DNMT1: variants seen among roughly 807,000 people sequenced by gnomAD.
DNMT1 encodes the protein DNA methyltransferase 1, also known as DNA (cytosine-5)-methyltransferase 1.
DNMT1 carries 24 observed loss-of-function variants against 205.3 expected under a neutral mutation model. That is an observed-to-expected ratio of 0.12 (90% CI 0.08 to 0.16). The LOEUF is 0.16. DNMT1 is among the 10% of genes least tolerant of loss of function. The pLI, the probability that DNMT1 is intolerant of heterozygous loss-of-function variation, is 1.00. For missense variants in DNMT1, 1,293 were observed against 2,177.7 expected (o/e 0.59, Z 8.09); for synonymous variants, 817 against 839.8 (o/e 0.97, Z 0.47).
intron 2 of DNMT1, among the ~76,000 whole-genome samples, 175 bp downstream of exon 2, chr19:10,181,866 C>T (rs1310627412): frequency 1.3e-5 from 2 of 151,940 alleles, no homozygotes; most frequent in African/African-American, 4.8e-5. Flanking sequence ...ACACCACCAC[C>T]ACCCAACTAT....
intron 5 of DNMT1, among the ~76,000 whole-genome samples, chr19:10,179,077 C>T (rs148915504): frequency 3.9e-4 from 56 of 143,998 alleles, no homozygotes; most frequent in African/African-American, 1.4e-3. Context: ...TGCAGTGAGC[C>T]GAGATTGCGC....
Position 10,194,912 on chromosome 19 carries a change from A to C in DNMT1, c.-13T>G. The C allele has an allele frequency of 6.2e-7, 1 of 1,602,112 alleles. No homozygotes were observed. ...TACGCGCCGGCATCTCGGAGGCTTC[A>C]GCAGACGCGGCGGCGGCAGCGCAGG... On this transcript the variant is annotated 5_prime_UTR_variant, in exon 1 of 41. Coordinates refer to ENST00000359526, the MANE Select transcript of DNMT1 (RefSeq NM_001130823.3).
intron 31 of DNMT1, 57 bp downstream of exon 31, chr19:10,141,048 A>G: frequency 6.2e-7 from 1 of 1,613,120 alleles, no homozygotes; most frequent in Non-Finnish European, 8.5e-7. Flanking sequence ...AGGGATTCAC[A>G]GGCAGCCTCC....
Position 10,139,663 on chromosome 19 carries a change from C to A in DNMT1, c.3948+13G>T, listed in dbSNP as rs770723832. On this transcript the variant is annotated intron_variant, in intron 34 of 40. Transcript: ENST00000359526. ...GGCCACATCTGTCTGCCCGCCCCAG[C>A]CCCAGGGCCCACCTGCAGCACGCCG... 6 of 1,610,712 alleles carry A rather than the reference C, an allele frequency of 3.7e-6. No homozygotes were observed. The South Asian group carries it at 4.4e-5, about 12-fold the overall frequency.
At chr19:10,163,423 G>A (rs1032332041) in intron 11 of DNMT1, 63 bp from the exon 12 acceptor site, 2 of 1,552,926 alleles carry the variant, frequency 1.3e-6, no homozygotes, top group African/African-American at 2.7e-5. Flanking sequence ...TTCTGAGCCA[G>A]AGTGAGATAA....
chr19:10,160,263 A>G lies in DNMT1; in HGVS notation c.1043+121T>C, dbSNP rs1012404109. 1.6e-5 allele frequency: 24 copies of G among 1,546,696 alleles called. 1 individual carries two copies. Among genetic ancestry groups the G allele is most frequent in the Non-Finnish European group, 2.0e-5 (23 of 1,133,622 alleles). On this transcript the variant is annotated intron_variant, in intron 14 of 40. Coordinates refer to ENST00000359526, the MANE Select transcript of DNMT1 (RefSeq NM_001130823.3). ...ACGCACCTTGGTCCTATGTTCACCA[A>G]CCCGATCCAAAATGAGCCTAAGGTT...
chr19:10,140,237 C>T lies in DNMT1; in HGVS notation c.3615G>A (p.Glu1205=). 1 of 1,614,074 alleles carries T rather than the reference C, an allele frequency of 6.2e-7. No individual in the cohort carries two copies. The highest frequency in any genetic ancestry group is 8.5e-7 in the Non-Finnish European group (1 of 1,180,040). The change falls in exon 33 of 41, where the codon GAG becomes GAA. Residue 1205 remains glutamate, a synonymous_variant. Coordinates refer to ENST00000359526, the MANE Select transcript of DNMT1 (RefSeq NM_001130823.3). This position sits in a 1 kb window ranked among gnomAD's most constrained non-coding sequence, Gnocchi z 8.4. ...LNNPGSTVFT[E]DCNILLKLVM... is the part of the protein sequence containing the mutation. Reference sequence around the variant, plus strand: ...CCAGCTTCAGCAGGATGTTGCAGTCCTCTGTGAACACTGTGGAGCCGGGGT... The same window carrying T: ...CCAGCTTCAGCAGGATGTTGCAGTCTTCTGTGAACACTGTGGAGCCGGGGT...
chr19:10,188,786 A>G (rs1180914630), intron 1 of DNMT1, among the ~76,000 whole-genome samples: 2 of 152,302 alleles, frequency 1.3e-5, no homozygotes, highest in East Asian at 3.9e-4. Context: ...GCAACCCGCA[A>G]ATGCTGACTT....
chr19:10,194,721 T>C, intron 1 of DNMT1, 99 bp downstream of exon 1: 1 of 1,451,548 alleles, frequency 6.9e-7, no homozygotes, highest in Non-Finnish European at 9.2e-7. Context: ...TGCGCGCCCG[T>C]CTGTCAGCAG....
chr19:10,146,586 C>T lies in DNMT1; in HGVS notation c.2721-62G>A, dbSNP rs1380964509. The T allele has an allele frequency of 1.2e-6, 2 of 1,602,232 alleles. No homozygotes were observed. The highest frequency in any genetic ancestry group is 3.4e-5 in the Admixed American group (2 of 59,672). ...AGGTGGCCGGCAGTGGCCGCAGCAGCTACTGCCAGCTTAATCCAGAGACTC... is the reference window on the plus strand; with the variant it reads ...AGGTGGCCGGCAGTGGCCGCAGCAGTTACTGCCAGCTTAATCCAGAGACTC... On this transcript the variant is annotated intron_variant, in intron 27 of 40. Transcript: ENST00000359526. The surrounding 1 kb of genome is among the most constrained non-coding windows in gnomAD (Gnocchi z 4.4).
Position 10,162,659 on chromosome 19 carries a change from A to G in DNMT1, c.1008+8T>C, listed in dbSNP as rs2038595841. ...AAAAAAAGAAAGAAAGAAAAGTGAG[A>G]CCTTTACCTTTTCATCCTCGTCTTT... On this transcript the variant is annotated splice_region_variant and intron_variant, in intron 13 of 40. Transcript: ENST00000359526. 2 of 1,590,084 alleles carry G rather than the reference A, an allele frequency of 1.3e-6. No homozygotes were observed. The highest frequency in any genetic ancestry group is 1.4e-5 in the African/African-American group (1 of 73,890).
intron 9 of DNMT1, 133 bp downstream of exon 9, chr19:10,172,957 G>T: frequency 9.8e-7 from 1 of 1,017,322 alleles, no homozygotes. Flanking sequence ...CAAAGTCAAA[G>T]GCATTTCGAT....
rs973181869 is a variant in DNMT1, at chr19:10,151,904, A to G, written c.2020-57T>C. ...GCTGGGCACAGTGGTTCATGCCTGTAATCCCAGTATTTCAGAAGGCCGAGG... is the reference window on the plus strand; with the variant it reads ...GCTGGGCACAGTGGTTCATGCCTGTGATCCCAGTATTTCAGAAGGCCGAGG... On this transcript the variant is annotated intron_variant, in intron 22 of 40. Coordinates refer to ENST00000359526, the MANE Select transcript of DNMT1 (RefSeq NM_001130823.3). This position sits in a 1 kb window ranked among gnomAD's most constrained non-coding sequence, Gnocchi z 5.0. 6.5e-7 allele frequency: 1 copy of G among 1,540,992 alleles called. No homozygotes were observed. The highest frequency in any genetic ancestry group is 9.0e-7 in the Non-Finnish European group (1 of 1,114,448).
intron 11 of DNMT1, among the ~76,000 whole-genome samples, chr19:10,165,323 C>T (rs2038666756): frequency 6.6e-6 from 1 of 152,128 alleles, no homozygotes; most frequent in South Asian, 2.1e-4. Context: ...GATGGCACCT[C>T]CTGTGCAAGG....
At position 10,137,269 on chromosome 19, in the gene DNMT1, T is replaced by A; in HGVS notation, c.4305A>T (p.Ala1435=). The A allele has an allele frequency of 1.2e-6, 2 of 1,607,600 alleles. No individual in the cohort carries two copies. Among genetic ancestry groups the A allele is most frequent in the Non-Finnish European group, 1.7e-6 (2 of 1,178,394 alleles). Residue 1435 remains alanine, a synonymous_variant, in exon 37 of 41, where the codon GCA becomes GCT. Transcript: ENST00000359526. The surrounding 1 kb of genome is among the most constrained non-coding windows in gnomAD (Gnocchi z 6.4). ...TGTGCCGCATGCGGGCAGCCACCAA[T>A]GCACTCATGTCCTGAAAGAGTGTGG... ...LRDHICKDMS[A]LVAARMRHIP... is the part of the protein sequence containing the mutation.
At position 10,183,089 on chromosome 19, in the gene DNMT1, ATATACACG is replaced by A. The variant is rs1309842735; in HGVS notation, c.81-1020_81-1013del. Among the ~76,000 whole-genome samples the A allele has an allele frequency of 1.6e-4, 24 of 146,892 alleles. No homozygotes were observed. The East Asian group carries it at 4.2e-3, about 26-fold the overall frequency. On this transcript the variant is annotated intron_variant, in intron 1 of 40. Transcript: ENST00000359526. ...TGTATACATATGTGTGTGTATATATATATACACGTATATATACGTGTGTATATATATAT... is the reference window on the plus strand; with the variant it reads ...TGTATACATATGTGTGTGTATATATATATATATACGTGTGTATATATATAT...
rs184999592 is a variant in DNMT1 at position 10,178,049 on chromosome 19, G to C, written c.494-682C>G. 4.2e-4 allele frequency among the ~76,000 whole-genome samples: 63 copies of C among 151,650 alleles called. 2 individuals carry two copies. In the East Asian group the frequency reaches 0.012, roughly 28 times the overall value. On this transcript the variant is annotated intron_variant, in intron 5 of 40. Transcript: ENST00000359526. ...CAAGACGGGCAGATCACAAGGTCAA[G>C]AGATCGAGACCATCCTGGCCAACAT...
At chr19:10,169,058 G>A (rs1181581696) in intron 9 of DNMT1, among the ~76,000 whole-genome samples, 2 of 152,068 alleles carry the variant, frequency 1.3e-5, no homozygotes, top group Admixed American at 1.3e-4. Flanking sequence ...GACTGGTCTT[G>A]AATTCAAGTG....
rs764915905 is a variant in DNMT1, at chr19:10,153,705, AAAAAT to A, written c.2019+583_2019+587del. ...ATTGGACACACGTGTGTTAACCAAG[AAAAAT>A]AAAATAAAACCAAAATAACAATGGT... On this transcript the variant is annotated intron_variant, in intron 22 of 40. Transcript: ENST00000359526. Among the ~76,000 whole-genome samples the A allele has an allele frequency of 2.6e-5, 4 of 152,254 alleles. No homozygotes were observed. In the East Asian group the frequency reaches 7.7e-4, roughly 29 times the overall value.
Sources: allele counts gnomAD v4.1 joint callset (sites outside exome capture counted in the v4.1 genomes callset), GRCh38; gene constraint gnomAD v4.1.1; non-coding constraint Gnocchi (gnomAD v3.1); transcripts MANE v1.5; gene names NCBI Gene and HGNC (gene_info 2026-07-23, HGNC 2026-07-21).